LRRK1: variants seen among roughly 807,000 people sequenced by gnomAD.
The protein encoded by LRRK1 is leucine rich repeat kinase 1, also known as leucine-rich repeat serine/threonine-protein kinase 1.
A neutral mutation model predicts 209.1 loss-of-function variants in LRRK1; 113 were observed. The observed-to-expected ratio is 0.54, with a 90% CI of 0.46 to 0.63. LRRK1 has a LOEUF of 0.63. LRRK1 is among the 30% of genes least tolerant of loss of function. The pLI, the probability that LRRK1 is intolerant of heterozygous loss-of-function variation, is 0.00. For synonymous variants in LRRK1, 1,144 were observed against 1,099.7 expected (o/e 1.04, Z -0.80); for missense variants, 2,284 against 2,632.2 (o/e 0.87, Z 2.89).
At chr15:100,973,268 C>A (rs1421643503) in intron 2 of LRRK1, among the ~76,000 whole-genome samples, 1 of 152,252 alleles carries the variant, frequency 6.6e-6, no homozygotes, top group Non-Finnish European at 1.5e-5. Flanking sequence ...GGCCCGGTGT[C>A]GTCCCCCATC....
Position 101,068,894 on chromosome 15 carries a change from C to A in LRRK1, c.*46C>A. The A allele has an allele frequency of 6.5e-7, 1 of 1,527,080 alleles. No individual in the cohort carries two copies. The highest frequency in any genetic ancestry group is 8.8e-7 in the Non-Finnish European group (1 of 1,131,710). 94.6% of individuals were successfully genotyped at this position (1,527,080 alleles called of 1,614,324 possible). A position where few individuals can be genotyped will look rare whatever the true frequency, so the allele number is the denominator to read the frequency against. ...CACATCAGAGCTGGCTGGCCCGGGG[C>A]TGCAGCCTGACCCCTCTGCCATCGG... On this transcript the variant is annotated 3_prime_UTR_variant, in exon 34 of 34. Coordinates refer to ENST00000388948, the MANE Select transcript of LRRK1 (RefSeq NM_024652.6).
intron 29 of LRRK1, among the ~76,000 whole-genome samples, chr15:101,058,984 G>A (rs1345960336): frequency 6.6e-6 from 1 of 152,170 alleles, no homozygotes; most frequent in Non-Finnish European, 1.5e-5. Flanking sequence ...TAAGATAAAC[G>A]GAACAGACTT....
intron 3 of LRRK1, among the ~76,000 whole-genome samples, chr15:100,977,015 C>G (rs991952312): frequency 9.2e-5 from 14 of 152,254 alleles, no homozygotes; most frequent in African/African-American, 3.4e-4. Context: ...CTAGACGTTA[C>G]ATGTAAAACA....
At position 101,006,890 on chromosome 15, in the gene LRRK1, TAGTAAC is replaced by T. The variant is rs1399205543; in HGVS notation, c.763-1945_763-1940del. Among the ~76,000 whole-genome samples the T allele has an allele frequency of 7.9e-5, 12 of 152,282 alleles. No individual in the cohort carries two copies. In the East Asian group the frequency reaches 2.3e-3, roughly 29 times the overall value. On this transcript the variant is annotated intron_variant, in intron 6 of 33. Coordinates refer to ENST00000388948, the MANE Select transcript of LRRK1 (RefSeq NM_024652.6). ...CAAAATTAAAATGTGGGGAGTAAAATAGTAACAATCAAACAGGCCCAGGGCAATTGA... is the reference window on the plus strand; with the variant it reads ...CAAAATTAAAATGTGGGGAGTAAAATAATCAAACAGGCCCAGGGCAATTGA...
chr15:101,024,271 T>TA lies in LRRK1; in HGVS notation c.2068-531dup, dbSNP rs1458962928. 6.6e-6 allele frequency among the ~76,000 whole-genome samples: 1 copy of TA among 152,198 alleles called. No homozygotes were observed. The highest frequency in any genetic ancestry group is 1.9e-4 in the East Asian group (1 of 5,190). On this transcript the variant is annotated intron_variant, in intron 15 of 33. Transcript: ENST00000388948. This position sits in a 1 kb window ranked among gnomAD's most constrained non-coding sequence, Gnocchi z 4.6. ...GCCTTAGCATCCAGGGCCAGACTCT[T>TA]ACCTCATGCAATGATAGAGAAACCA...
intron 2 of LRRK1, among the ~76,000 whole-genome samples, chr15:100,961,403 C>T (rs2029932700): frequency 6.6e-6 from 1 of 152,044 alleles, no homozygotes; most frequent in South Asian, 2.1e-4. Context: ...GCCTGTAATC[C>T]CAGCACTTTG....
At position 101,048,541 on chromosome 15, in the gene LRRK1, C is replaced by G. The variant is rs773592606; in HGVS notation, c.3183C>G (p.Thr1061=). 6.3e-7 allele frequency: 1 copy of G among 1,595,948 alleles called. No homozygotes were observed. Among genetic ancestry groups the G allele is most frequent in the Non-Finnish European group, 8.5e-7 (1 of 1,174,582 alleles). The change falls in exon 22 of 34, where the codon ACC becomes ACG. Residue 1061 remains threonine (T), a synonymous_variant. Transcript: ENST00000388948. ...KNTKSRNRKV[T]IYSFTGNQRN... ...CTAAAAGCAGGAACAGGAAAGTCAC[C>G]ATTTACAGTTTTACAGGAAACCAGA...
At chr15:101,005,223 A>G (rs1469021631) in intron 6 of LRRK1, among the ~76,000 whole-genome samples, 1 of 152,194 alleles carries the variant, frequency 6.6e-6, no homozygotes, top group Non-Finnish European at 1.5e-5. Context: ...TTGGCATTGC[A>G]AAGTCCACAT....
At chr15:101,004,048 A>G (rs1262691545) in intron 6 of LRRK1, among the ~76,000 whole-genome samples, 3 of 152,224 alleles carry the variant, frequency 2.0e-5, no homozygotes, top group Non-Finnish European at 4.4e-5. Flanking sequence ...CAGTTGATTT[A>G]TGAACAAGCA....
chr15:100,966,176 T>C (rs1399181353), intron 2 of LRRK1, among the ~76,000 whole-genome samples: 1 of 152,190 alleles, frequency 6.6e-6, no homozygotes, highest in African/African-American at 2.4e-5. Context: ...AATTCTCAAA[T>C]ACAAAACAAT....
chr15:100,970,145 C>T (rs1308119425), intron 2 of LRRK1, among the ~76,000 whole-genome samples: 2 of 152,180 alleles, frequency 1.3e-5, no homozygotes, highest in Non-Finnish European at 2.9e-5. Flanking sequence ...CTGCCTTGGC[C>T]TCCCAAAGTG....
chr15:101,006,387 AAAAAAG>A (rs984187191), intron 6 of LRRK1, among the ~76,000 whole-genome samples: 6 of 138,664 alleles, frequency 4.3e-5, no homozygotes, highest in African/African-American at 1.7e-4. Context: ...AAAAAAAAAA[AAAAAAG>A]AAAAGGCATT....
intron 4 of LRRK1, 28 bp downstream of exon 4, chr15:100,983,727 C>T (rs371584029): frequency 1.0e-5 from 16 of 1,607,756 alleles, no homozygotes; most frequent in Admixed American, 5.0e-5. Flanking sequence ...AGCTCTTAAC[C>T]GTGTCTCAGG....
intron 2 of LRRK1, among the ~76,000 whole-genome samples, chr15:100,950,940 A>G (rs1596188157): frequency 6.6e-6 from 1 of 152,130 alleles, no homozygotes; most frequent in Non-Finnish European, 1.5e-5. Flanking sequence ...CATCTCTACT[A>G]AAAATACAAA....
At position 101,027,124 on chromosome 15, in the gene LRRK1, A is replaced by G. The variant is rs2034066496; in HGVS notation, c.2406-137A>G. ...GTGATTTGCACAAAGCAAGGCCTCA[A>G]TAAACTTCTTGTGTTGTCTTTCACG... is the stretch of plus-strand genomic sequence containing the variant. On this transcript the variant is annotated intron_variant, in intron 17 of 33. Transcript: ENST00000388948. The surrounding 1 kb of genome is among the most constrained non-coding windows in gnomAD (Gnocchi z 5.1). The G allele has an allele frequency of 3.6e-6, 4 of 1,111,710 alleles. No individual in the cohort carries two copies. Among genetic ancestry groups the G allele is most frequent in the Admixed American group, 2.4e-5 (1 of 40,866 alleles). The allele number at this position is 1,111,710 out of a possible 1,614,324, so 68.9% of individuals were successfully genotyped here.
chr15:101,054,334 A>T (rs975244615), intron 26 of LRRK1, among the ~76,000 whole-genome samples: 15 of 152,178 alleles, frequency 9.9e-5, no homozygotes, highest in African/African-American at 2.9e-4. Context: ...CCTGAGGTGA[A>T]CTCTAGAGAT....
At chr15:101,041,563 C>T (rs763864015) in intron 20 of LRRK1, among the ~76,000 whole-genome samples, 1 of 152,150 alleles carries the variant, frequency 6.6e-6, no homozygotes, top group South Asian at 2.1e-4. Context: ...TTAGAATATG[C>T]ATCCTTACCT....
chr15:100,938,676 A>G (rs535558350), intron 2 of LRRK1, among the ~76,000 whole-genome samples: 10 of 152,280 alleles, frequency 6.6e-5, no homozygotes, highest in South Asian at 2.1e-4. Flanking sequence ...TCTAGAAAAG[A>G]AAAAACAAAA....
At chr15:101,028,076 G>A (rs2034122090) in intron 19 of LRRK1, among the ~76,000 whole-genome samples, 1 of 152,020 alleles carries the variant, frequency 6.6e-6, no homozygotes, top group Non-Finnish European at 1.5e-5. Flanking sequence ...CAGTCAGGGA[G>A]ACAGAGGTCA....
Sources: allele counts gnomAD v4.1 joint callset (sites outside exome capture counted in the v4.1 genomes callset), GRCh38; gene constraint gnomAD v4.1.1; non-coding constraint Gnocchi (gnomAD v3.1); transcripts MANE v1.5; gene names NCBI Gene and HGNC (gene_info 2026-07-23, HGNC 2026-07-21).